The following TMIGD3 variants were observed in gnomAD, a reference collection of about 807,000 sequenced individuals.
TMIGD3 encodes transmembrane and immunoglobulin domain containing 3.
TMIGD3 carries 21 observed loss-of-function variants against 28.1 expected under a neutral mutation model. The observed-to-expected ratio is 0.75, with a 90% CI of 0.53 to 1.08. The LOEUF is 1.08. Among genes scored for constraint, TMIGD3 ranks in the 50% least tolerant of loss-of-function variants. The pLI is 0.00. For missense variants in TMIGD3, 416 were observed against 435.6 expected (o/e 0.96, Z 0.40); for synonymous variants, 151 against 162.1 (o/e 0.93, Z 0.52).
chr1:111,536,438 T>C (rs1001610404), intron 1 of TMIGD3, among the ~76,000 whole-genome samples: 3 of 152,134 alleles, frequency 2.0e-5, no homozygotes, highest in African/African-American at 7.2e-5. Context: ...TTGAAAGCCA[T>C]GCCCTCATTT....
chr1:111,550,513 C>T (rs1657217719), intron 1 of TMIGD3, among the ~76,000 whole-genome samples: 1 of 152,152 alleles, frequency 6.6e-6, no homozygotes, highest in African/African-American at 2.4e-5. Flanking sequence ...CCCTGTATCC[C>T]ATACATTTTT....
At chr1:111,530,266 T>G (rs1656416288) in intron 1 of TMIGD3, among the ~76,000 whole-genome samples, 1 of 152,234 alleles carries the variant, frequency 6.6e-6, no homozygotes, top group Non-Finnish European at 1.5e-5. Flanking sequence ...CCCTTCCTTG[T>G]GTTAATGTTA....
intron 1 of TMIGD3, among the ~76,000 whole-genome samples, chr1:111,528,642 A>G (rs1232301933): frequency 2.0e-5 from 3 of 152,194 alleles, no homozygotes. Context: ...GAGTCTTACT[A>G]TCCATGATAA....
At chr1:111,545,104 C>T (rs570739479) in intron 1 of TMIGD3, among the ~76,000 whole-genome samples, 1 of 147,928 alleles carries the variant, frequency 6.8e-6, no homozygotes, top group Admixed American at 6.7e-5. Flanking sequence ...TTGGGTATAT[C>T]CAATTTGGTA....
chr1:111,510,029 T>C (rs556811428), intron 1 of TMIGD3, among the ~76,000 whole-genome samples: 1 of 152,242 alleles, frequency 6.6e-6, no homozygotes, highest in Admixed American at 6.5e-5. Context: ...AAAACCCAAA[T>C]TGCCATTTTG....
chr1:111,492,032 G>A (rs558340049), intron 1 of TMIGD3, among the ~76,000 whole-genome samples: 59 of 152,262 alleles, frequency 3.9e-4, no homozygotes, highest in African/African-American at 1.2e-3. Flanking sequence ...CATAAAAGGC[G>A]TGCAACTTCC....
At position 111,488,897 on chromosome 1, in the gene TMIGD3, G is replaced by A. The variant is rs377111542; in HGVS notation, c.585C>T (p.Tyr195=). 12 of 1,614,104 alleles carry A rather than the reference G, an allele frequency of 7.4e-6. No individual in the cohort carries two copies. The highest frequency in any genetic ancestry group is 9.3e-6 in the Non-Finnish European group (11 of 1,180,056). ...TAGGGGAGAAGGCGATGATGTTGCA[G>A]TAGTCACGGAAATAGCCTCGGCACC... ...KYWCRGYFRD[Y]CNIIAFSPNS... Residue 195 remains tyrosine (Y), a synonymous_variant, in exon 3 of 6, where the codon TAC becomes TAT. Coordinates refer to ENST00000369716, the MANE Select transcript of TMIGD3 (RefSeq NM_020683.7).
chr1:111,555,429 G>GA (rs1231450500), intron 1 of TMIGD3, among the ~76,000 whole-genome samples: 3 of 106,304 alleles, frequency 2.8e-5, no homozygotes, highest in South Asian at 2.9e-4. Flanking sequence ...AATAGTTCCA[G>GA]AAAAAAAATT....
At chr1:111,536,231 GT>G (rs34091536) in intron 1 of TMIGD3, among the ~76,000 whole-genome samples, 30,635 of 146,260 alleles carry the variant, frequency 0.21, 3,585 homozygotes, top group East Asian at 0.48. Context: ...TATTTTTTAA[GT>G]TTTTTTTTTT....
At chr1:111,509,266 A>G (rs1052836903) in intron 1 of TMIGD3, among the ~76,000 whole-genome samples, 4 of 152,156 alleles carry the variant, frequency 2.6e-5, no homozygotes, top group Admixed American at 2.6e-4. Flanking sequence ...CCTCTGACCT[A>G]TCCTTCCCCT....
rs1021621817 is a variant in TMIGD3 at position 111,517,725 on chromosome 1, A to G, written c.108-26963T>C. Among the ~76,000 whole-genome samples the G allele has an allele frequency of 4.6e-5, 7 of 152,242 alleles. No individual in the cohort carries two copies. The East Asian group carries it at 1.3e-3, about 29-fold the overall frequency. On this transcript the variant is annotated intron_variant, in intron 1 of 5. Coordinates refer to the TMIGD3 transcript ENST00000369717. ...AAGTGGATTCAATGAGATGTTAGTT[A>G]TAGATACCTGGCACCTTGCCCAACA... is the stretch of plus-strand genomic sequence containing the variant.
intron 1 of TMIGD3, among the ~76,000 whole-genome samples, chr1:111,528,139 T>C (rs1656334078): frequency 6.6e-6 from 1 of 152,224 alleles, no homozygotes; most frequent in Non-Finnish European, 1.5e-5. Context: ...TTTTGCATTT[T>C]ATGTTTAAGT....
chr1:111,490,971 C>CTTAA (rs1219874266), intron 1 of TMIGD3, among the ~76,000 whole-genome samples: 2 of 152,202 alleles, frequency 1.3e-5, no homozygotes, highest in Non-Finnish European at 2.9e-5. Flanking sequence ...CTCCCTCCTG[C>CTTAA]GTAAATGGGC....
At position 111,498,526 on chromosome 1, in the gene TMIGD3, A is replaced by G. The variant is rs117504136; in HGVS notation, c.350+4479T>C. Among the ~76,000 whole-genome samples the G allele has an allele frequency of 3.7e-3, 568 of 152,314 alleles. 12 individuals carry two copies. In the East Asian group the frequency reaches 0.044, roughly 12 times the overall value. On this transcript the variant is annotated intron_variant, in intron 1 of 5. Coordinates refer to ENST00000369716, the MANE Select transcript of TMIGD3 (RefSeq NM_020683.7). ...CTATCTGTTAATTGTACATAATATG[A>G]GCTTGAAAGTTTGGGCTTTAATGTT... is the stretch of plus-strand genomic sequence containing the variant.
upstream of TMIGD3, chr1:111,505,136 A>G (rs980420000): frequency 1.4e-5 from 8 of 556,666 alleles, no homozygotes; most frequent in Admixed American, 1.4e-4. Context: ...AAAAAAAAAA[A>G]AAAAAAAAAA....
chr1:111,509,084 GACTCCGTCTCAAACAA>G (rs1655607137), intron 1 of TMIGD3, among the ~76,000 whole-genome samples: 1 of 152,212 alleles, frequency 6.6e-6, no homozygotes, highest in African/African-American at 2.4e-5. Context: ...GACAGAGCGA[GACTCCGTCTCAAACAA>G]ACAAACAAAC....
chr1:111,534,778 T>A lies in TMIGD3; in HGVS notation c.107+29068A>T, dbSNP rs190035047. Among the ~76,000 whole-genome samples the A allele has an allele frequency of 2.8e-3, 419 of 152,238 alleles. 2 individuals carry two copies. The highest frequency in any genetic ancestry group is 5.0e-3 in the Non-Finnish European group (338 of 67,990). ...TTTTGTGTTTGTGCATGTATGAGAA[T>A]GTGCATGTGCATATGTGTGAGTGTG... On this transcript the variant is annotated intron_variant, in intron 1 of 5. Transcript: ENST00000369717.
chr1:111,522,595 C>T (rs12117725), intron 1 of TMIGD3, among the ~76,000 whole-genome samples: 1 of 150,908 alleles, frequency 6.6e-6, no homozygotes, highest in African/African-American at 2.4e-5. Flanking sequence ...CAGCTCACTG[C>T]AACCTCCACC....
At chr1:111,562,795 G>A (rs1462426396) in intron 1 of TMIGD3, among the ~76,000 whole-genome samples, 3 of 152,304 alleles carry the variant, frequency 2.0e-5, no homozygotes, top group African/African-American at 4.8e-5. Flanking sequence ...CTAAAACCAA[G>A]ATTAGCTTTG....
Sources: allele counts gnomAD v4.1 joint callset (sites outside exome capture counted in the v4.1 genomes callset), GRCh38; gene constraint gnomAD v4.1.1; transcripts MANE v1.5; gene names NCBI Gene and HGNC (gene_info 2026-07-23, HGNC 2026-07-21).